ARHGAP10: variants seen among roughly 807,000 people sequenced by gnomAD.
ARHGAP10 encodes the protein Rho GTPase activating protein 10.
Under a neutral mutation model 108.6 loss-of-function variants are expected in ARHGAP10, and 87 were observed. That is an observed-to-expected ratio of 0.80 (90% confidence interval 0.67 to 0.96). The LOEUF (loss-of-function observed/expected upper bound fraction) is 0.96. Ranked by LOEUF, ARHGAP10 falls within the 40% of genes least tolerant of loss-of-function variation. The pLI is 0.00. For missense variants in ARHGAP10, 939 were observed against 954.5 expected (o/e 0.98, Z 0.21); for synonymous variants, 347 against 341.1 (o/e 1.02, Z -0.19).
In ARHGAP10 at chr4:148,038,876, G is replaced by T. The variant is rs150781196; in HGVS notation, c.1868-8016G>T. Among the ~76,000 whole-genome samples, 116 of 152,272 alleles carry T rather than the reference G, an allele frequency of 7.6e-4. 1 individual carries two copies. The highest frequency in any genetic ancestry group is 3.4e-3 in the Middle Eastern group (1 of 294). On this transcript the variant is annotated intron_variant, in intron 19 of 22. Transcript: ENST00000336498. ...ATACAATTGCTGCCTTCTCTTCAAAGAAGCAAATGTTCTTCTGCTTTTTAA... is the reference window on the plus strand; with the variant it reads ...ATACAATTGCTGCCTTCTCTTCAAATAAGCAAATGTTCTTCTGCTTTTTAA...
intron 20 of ARHGAP10, among the ~76,000 whole-genome samples, chr4:148,057,644 G>C (rs1164346728): frequency 6.6e-6 from 1 of 152,232 alleles, no homozygotes; most frequent in Non-Finnish European, 1.5e-5. Context: ...TTCAGCATTA[G>C]CTCCGCACAG....
chr4:148,006,697 T>C (rs140932578), intron 18 of ARHGAP10, among the ~76,000 whole-genome samples: 2 of 152,342 alleles, frequency 1.3e-5, no homozygotes, highest in Non-Finnish European at 2.9e-5. Context: ...TTAAAAAGAT[T>C]ATGTGTTTAA....
At chr4:148,058,987 G>A (rs553973525) in intron 20 of ARHGAP10, among the ~76,000 whole-genome samples, 64 of 152,302 alleles carry the variant, frequency 4.2e-4, no homozygotes, top group African/African-American at 1.5e-3. Flanking sequence ...ATGCCTCCGT[G>A]GCGTCAGGAA....
chr4:147,759,423 A>C (rs1729505319), intron 1 of ARHGAP10, among the ~76,000 whole-genome samples: 1 of 152,150 alleles, frequency 6.6e-6, no homozygotes, highest in Admixed American at 6.6e-5. Context: ...AAATTAAAAA[A>C]CAGGTGAAGG....
intron 15 of ARHGAP10, among the ~76,000 whole-genome samples, chr4:147,951,031 T>G (rs1738579512): frequency 6.6e-6 from 1 of 152,148 alleles, no homozygotes; most frequent in East Asian, 1.9e-4. Flanking sequence ...GGCTGAGAGT[T>G]GCAGTGACTC....
intron 10 of ARHGAP10, among the ~76,000 whole-genome samples, chr4:147,896,627 C>T (rs1394334801): frequency 6.6e-6 from 1 of 151,668 alleles, no homozygotes; most frequent in Non-Finnish European, 1.5e-5. Flanking sequence ...ATATTAACCA[C>T]TTTTTATTTC....
At chr4:147,864,179 A>G (rs193119310) in intron 5 of ARHGAP10, 2 of 152,434 alleles carry the variant, frequency 1.3e-5, no homozygotes, top group East Asian at 3.9e-4. Flanking sequence ...CTCTTCTCCC[A>G]GTTCCTTTCT....
intron 18 of ARHGAP10, among the ~76,000 whole-genome samples, chr4:147,998,370 A>G (rs1740561839): frequency 6.6e-6 from 1 of 152,218 alleles, no homozygotes; most frequent in Non-Finnish European, 1.5e-5. Flanking sequence ...CTATTCCCCA[A>G]AAAGCACCAG....
At chr4:147,988,692 G>A (rs1049383193) in intron 18 of ARHGAP10, among the ~76,000 whole-genome samples, 1 of 152,174 alleles carries the variant, frequency 6.6e-6, no homozygotes, top group Admixed American at 6.5e-5. Context: ...ATAAAAAAAT[G>A]GGGTCTAGAA....
chr4:147,782,921 T>G (rs1730598099), intron 1 of ARHGAP10, among the ~76,000 whole-genome samples: 2 of 139,834 alleles, frequency 1.4e-5, no homozygotes, highest in Non-Finnish European at 3.1e-5. Context: ...ATATATAAAT[T>G]ATATAATATA....
At chr4:148,024,599 A>G (rs1741695224) in intron 19 of ARHGAP10, among the ~76,000 whole-genome samples, 1 of 152,268 alleles carries the variant, frequency 6.6e-6, no homozygotes, top group African/African-American at 2.4e-5. Flanking sequence ...GTAGGTACAT[A>G]TGATACAAAT....
intron 16 of ARHGAP10, among the ~76,000 whole-genome samples, chr4:147,957,591 C>T (rs1466700608): frequency 6.6e-6 from 1 of 152,122 alleles, no homozygotes; most frequent in East Asian, 1.9e-4. Context: ...TCTTTGTTAC[C>T]ACCTCTCACA....
At chr4:148,069,952 T>C (rs1730090947) in intron 22 of ARHGAP10, among the ~76,000 whole-genome samples, 1 of 152,194 alleles carries the variant, frequency 6.6e-6, no homozygotes, top group Admixed American at 6.5e-5. Context: ...AATCCTGGTA[T>C]GAAGAACAAT....
At chr4:147,877,819 C>CTTTTTTTTT (rs549355620) in intron 8 of ARHGAP10, among the ~76,000 whole-genome samples, 12,822 of 129,274 alleles carry the variant, frequency 0.099, 910 homozygotes, top group East Asian at 0.2. Context: ...ATTCTTCATA[C>CTTTTTTTTT]TTTTTTTTTT....
intron 1 of ARHGAP10, among the ~76,000 whole-genome samples, chr4:147,784,749 AT>A (rs1730775290): frequency 4.2e-5 from 1 of 23,922 alleles, no homozygotes. Flanking sequence ...TTATAAATAT[AT>A]ATTATAAAAT....
In ARHGAP10 at chr4:148,012,924, GT is replaced by G. The variant is rs560854784; in HGVS notation, c.1717-10323del. ...GTAGGGGATGGTGGGTATCTGTCTG[GT>G]TTTTTTTTTTTTTTTAAACCTTCTT... is the stretch of plus-strand genomic sequence containing the variant. On this transcript the variant is annotated intron_variant, in intron 18 of 22. Transcript: ENST00000336498. Among the ~76,000 whole-genome samples, 312 of 138,812 alleles carry G rather than the reference GT, an allele frequency of 2.2e-3. 1 individual carries two copies. Among genetic ancestry groups the G allele is most frequent in the Non-Finnish European group, 2.8e-3 (177 of 63,158 alleles). The allele number at this position is 138,812 out of a possible 152,430, so 91.1% of individuals were successfully genotyped here.
At position 147,949,428 on chromosome 4, in the gene ARHGAP10, A is replaced by T. The variant is rs1428600858; in HGVS notation, c.1391+2724A>T. 2.6e-4 allele frequency among the ~76,000 whole-genome samples: 40 copies of T among 152,190 alleles called. 1 individual carries two copies. Among genetic ancestry groups the T allele is most frequent in the Non-Finnish European group, 4.4e-5 (3 of 68,030 alleles). ...TTAGAACAGTGTTTCTCAACTGAGG[A>T]TGGTTTTGTCCCTCAGTGGGATGTT... On this transcript the variant is annotated intron_variant, in intron 15 of 22. Coordinates refer to ENST00000336498, the MANE Select transcript of ARHGAP10 (RefSeq NM_024605.4).
At chr4:147,965,177 G>A (rs1739159554) in intron 17 of ARHGAP10, 48 bp downstream of exon 17, 1 of 1,441,414 alleles carries the variant, frequency 6.9e-7, no homozygotes, top group Non-Finnish European at 9.6e-7. Flanking sequence ...TGCTCTAGGT[G>A]CTGGGTAGTG....
chr4:148,049,847 CG>C (rs1307494697), intron 20 of ARHGAP10, among the ~76,000 whole-genome samples: 14 of 13,248 alleles, frequency 1.1e-3, no homozygotes, highest in African/African-American at 3.9e-3. Flanking sequence ...GGGCGGGGGG[CG>C]GGGGGCGGGG....
Sources: gnomAD v4.1 joint callset for allele counts (sites outside exome capture counted in the v4.1 genomes callset) on GRCh38, gnomAD v4.1.1 for gene constraint, MANE v1.5 for transcripts, NCBI Gene and HGNC (gene_info 2026-07-23, HGNC 2026-07-21) for gene names.